LRP1B: variants seen among roughly 807,000 people sequenced by gnomAD.
The protein encoded by LRP1B is LDL receptor related protein 1B.
LRP1B carries 217 observed loss-of-function variants against 556.6 expected under a neutral mutation model. That is an observed-to-expected ratio of 0.39 (90% CI 0.35 to 0.44). The LOEUF is 0.44. LRP1B is among the 20% of genes least tolerant of loss of function. LRP1B has a pLI of 1.00. For missense variants in LRP1B, 5,053 were observed against 5,620.8 expected (o/e 0.90, Z 3.23); for synonymous variants, 2,047 against 1,865.8 (o/e 1.10, Z -2.50).
chr2:140,829,429 G>A (rs1691639412), intron 31 of LRP1B, among the ~76,000 whole-genome samples: 1 of 152,092 alleles, frequency 6.6e-6, no homozygotes, highest in South Asian at 2.1e-4. Context: ...ATTGTATCAA[G>A]TTTCTCTCTG....
At chr2:141,447,644 T>C (rs1438493473) in intron 3 of LRP1B, among the ~76,000 whole-genome samples, 1 of 152,196 alleles carries the variant, frequency 6.6e-6, no homozygotes, top group East Asian at 1.9e-4. Context: ...TTCTGTTTGT[T>C]AGTTTTCCTT....
intron 2 of LRP1B, among the ~76,000 whole-genome samples, chr2:141,684,556 A>T (rs1463387206): frequency 6.6e-6 from 1 of 152,060 alleles, no homozygotes; most frequent in South Asian, 2.1e-4. Context: ...ATACCTATGT[A>T]ACAAACCTGC....
intron 2 of LRP1B, among the ~76,000 whole-genome samples, chr2:141,577,331 G>A (rs1460687818): frequency 6.6e-6 from 1 of 152,048 alleles, no homozygotes; most frequent in African/African-American, 2.4e-5. Flanking sequence ...TACACTACCA[G>A]GGAAAATATT....
rs1362712341 is a variant in LRP1B, at chr2:140,510,066, A to G, written c.8270-10T>C. On this transcript the variant is annotated splice_polypyrimidine_tract_variant and intron_variant, in intron 51 of 90. Transcript: ENST00000389484. Reference sequence around the variant, plus strand: ...GCACAGGTTATGGCACCTGAAACACAAAAACATAATGCCATTAAGATTACT... The same window carrying G: ...GCACAGGTTATGGCACCTGAAACACGAAAACATAATGCCATTAAGATTACT... 2 of 1,612,506 alleles carry G rather than the reference A, an allele frequency of 1.2e-6. No individual in the cohort carries two copies. Among genetic ancestry groups the G allele is most frequent in the African/African-American group, 2.7e-5 (2 of 74,858 alleles).
intron 17 of LRP1B, among the ~76,000 whole-genome samples, chr2:140,984,240 C>T (rs915595896): frequency 1.3e-5 from 2 of 151,870 alleles, no homozygotes; most frequent in African/African-American, 4.8e-5. Context: ...AATTTAATAA[C>T]AGAATTTTTT....
chr2:140,810,700 G>A (rs1690888379), intron 32 of LRP1B, among the ~76,000 whole-genome samples: 1 of 152,096 alleles, frequency 6.6e-6, no homozygotes, highest in East Asian at 1.9e-4. Flanking sequence ...ATTTTGGTAT[G>A]TCCAGTTAAC....
At chr2:141,806,326 G>A (rs892394635) in intron 2 of LRP1B, among the ~76,000 whole-genome samples, 2 of 152,004 alleles carry the variant, frequency 1.3e-5, no homozygotes, top group South Asian at 4.1e-4. Context: ...TGAAAGCTAT[G>A]AGTAGAAAGA....
At chr2:140,749,413 A>C (rs1231133627) in intron 35 of LRP1B, among the ~76,000 whole-genome samples, 1 of 152,164 alleles carries the variant, frequency 6.6e-6, no homozygotes, top group African/African-American at 2.4e-5. Flanking sequence ...ATACCTTAAA[A>C]GATGACCACA....
chr2:140,657,017 ATATTT>A (rs763593885), intron 41 of LRP1B, among the ~76,000 whole-genome samples: 4 of 152,094 alleles, frequency 2.6e-5, no homozygotes, highest in Non-Finnish European at 4.4e-5. Flanking sequence ...TTCTCTTATT[ATATTT>A]TAAGTTCCCA....
Position 141,093,746 on chromosome 2 carries a change from G to T in LRP1B, c.1014-31473C>A, listed in dbSNP as rs530176347. On this transcript the variant is annotated intron_variant, in intron 7 of 90. Coordinates refer to ENST00000389484, the MANE Select transcript of LRP1B (RefSeq NM_018557.3). ...ACAACAATTTTTTTTTGACAGAGTTGCTTTGTCGTCCAGGCTGGAGTGCAG... is the reference window on the plus strand; with the variant it reads ...ACAACAATTTTTTTTTGACAGAGTTTCTTTGTCGTCCAGGCTGGAGTGCAG... Among the ~76,000 whole-genome samples, 8 of 151,702 alleles carry T rather than the reference G, an allele frequency of 5.3e-5. No homozygotes were observed. The East Asian group carries it at 9.7e-4, about 18-fold the overall frequency.
intron 2 of LRP1B, among the ~76,000 whole-genome samples, chr2:141,651,763 G>C (rs907197976): frequency 1.3e-5 from 2 of 152,098 alleles, no homozygotes; most frequent in Non-Finnish European, 2.9e-5. Flanking sequence ...ATTTTTATTT[G>C]CTAAATATGA....
intron 6 of LRP1B, among the ~76,000 whole-genome samples, chr2:141,228,486 G>A (rs142771653): frequency 6.2e-4 from 94 of 150,562 alleles, no homozygotes; most frequent in African/African-American, 2.0e-3. Context: ...CTCTGGGTGT[G>A]TGTGTGTATG....
At chr2:141,659,134 G>T (rs756546855) in intron 2 of LRP1B, among the ~76,000 whole-genome samples, 3 of 152,066 alleles carry the variant, frequency 2.0e-5, no homozygotes. Flanking sequence ...GAACTTCCGA[G>T]CTCAAACAGT....
At chr2:140,501,337 A>C (rs940725971) in intron 55 of LRP1B, among the ~76,000 whole-genome samples, 1 of 152,042 alleles carries the variant, frequency 6.6e-6, no homozygotes, top group Non-Finnish European at 1.5e-5. Context: ...TCGAAGATGT[A>C]CTGAAGAGAG....
Position 140,891,394 on chromosome 2 carries a change from A to G in LRP1B, c.3767-5059T>C, listed in dbSNP as rs1268320761. 2.6e-5 allele frequency among the ~76,000 whole-genome samples: 4 copies of G among 152,250 alleles called. No homozygotes were observed. In the East Asian group the frequency reaches 7.7e-4, roughly 29 times the overall value. On this transcript the variant is annotated intron_variant, in intron 23 of 90. Coordinates refer to ENST00000389484, the MANE Select transcript of LRP1B (RefSeq NM_018557.3). ...GGTAAACTGCTATTACAACCATACA[A>G]CTAGCAATTCTATGTGAAATCCCCT...
intron 35 of LRP1B, 86 bp downstream of exon 35, chr2:140,769,127 G>A (rs1689215135): frequency 1.6e-6 from 2 of 1,243,930 alleles, no homozygotes; most frequent in Non-Finnish European, 2.3e-6. Context: ...GACTATTAAA[G>A]CACAGAGGAA....
At chr2:142,061,522 A>G (rs1704912720) in intron 1 of LRP1B, among the ~76,000 whole-genome samples, 1 of 152,050 alleles carries the variant, frequency 6.6e-6, no homozygotes, top group Admixed American at 6.6e-5. Context: ...AAGGTAGTGC[A>G]GCAAACAGGG....
At chr2:141,244,119 A>T (rs12624031) in intron 5 of LRP1B, among the ~76,000 whole-genome samples, 2 of 152,176 alleles carry the variant, frequency 1.3e-5, no homozygotes, top group Non-Finnish European at 1.5e-5. Flanking sequence ...CAGCACCTTT[A>T]GAGGCAGCTT....
intron 35 of LRP1B, among the ~76,000 whole-genome samples, chr2:140,747,355 T>A (rs1688352055): frequency 1.3e-5 from 2 of 152,226 alleles, no homozygotes; most frequent in African/African-American, 4.8e-5. Flanking sequence ...ATGCAGCCTC[T>A]CTGCATGATT....
Sources: gnomAD v4.1 joint callset for allele counts (sites outside exome capture counted in the v4.1 genomes callset) on GRCh38, gnomAD v4.1.1 for gene constraint, MANE v1.5 for transcripts, NCBI Gene and HGNC (gene_info 2026-07-23, HGNC 2026-07-21) for gene names.